Variants in LRRIQ1 observed in about 807,000 individuals in gnomAD.
LRRIQ1 encodes leucine-rich repeat- and IQ domain-containing protein 1.
LRRIQ1 carries 210 observed loss-of-function variants against 211.9 expected under a neutral mutation model. The ratio of observed to expected loss-of-function variants is 0.99; its 90% CI spans 0.89 to 1.11. The LOEUF is 1.11. Ranked by LOEUF, LRRIQ1 falls within the 50% of genes most tolerant of loss-of-function variation. LRRIQ1 has a pLI of 0.00. For missense variants in LRRIQ1, 2,136 were observed against 1,939.5 expected (o/e 1.10, Z -1.90); for synonymous variants, 699 against 650.1 (o/e 1.08, Z -1.14).
chr12:85,085,258 G>T (rs1307237340), intron 11 of LRRIQ1, among the ~76,000 whole-genome samples: 1 of 152,132 alleles, frequency 6.6e-6, no homozygotes, highest in Non-Finnish European at 1.5e-5. Context: ...TTCTGCAACA[G>T]TTCTTCAGGA....
At chr12:85,178,912 TAA>T (rs5799723) in intron 24 of LRRIQ1, among the ~76,000 whole-genome samples, 3 of 143,156 alleles carry the variant, frequency 2.1e-5, no homozygotes, top group South Asian at 2.2e-4. Context: ...TCTCTGTCTT[TAA>T]AAAAAAAAAA....
intron 24 of LRRIQ1, among the ~76,000 whole-genome samples, chr12:85,197,939 ATAT>A (rs1461737489): frequency 9.1e-6 from 1 of 109,516 alleles, no homozygotes; most frequent in Admixed American, 1.2e-4. Flanking sequence ...ATAATTATAT[ATAT>A]TTATATATAA....
chr12:85,162,523 A>G (rs1328746293), intron 24 of LRRIQ1, among the ~76,000 whole-genome samples: 2 of 152,178 alleles, frequency 1.3e-5, no homozygotes, highest in Admixed American at 6.5e-5. Flanking sequence ...ACTCATAAAG[A>G]GAATCTATCC....
chr12:85,144,868 T>C (rs1317933648), intron 19 of LRRIQ1, among the ~76,000 whole-genome samples: 10 of 151,718 alleles, frequency 6.6e-5, no homozygotes. Flanking sequence ...CCTTTTCCAT[T>C]GCCATCACTT....
At chr12:85,186,511 G>T (rs1892234560) in intron 24 of LRRIQ1, among the ~76,000 whole-genome samples, 1 of 152,040 alleles carries the variant, frequency 6.6e-6, no homozygotes, top group Non-Finnish European at 1.5e-5. Flanking sequence ...AGGAAGGTTG[G>T]TCTGCCTGCA....
At chr12:85,115,580 T>C (rs932925686) in intron 15 of LRRIQ1, among the ~76,000 whole-genome samples, 3 of 152,192 alleles carry the variant, frequency 2.0e-5, no homozygotes, top group Non-Finnish European at 2.9e-5. Flanking sequence ...TCAACCTCTC[T>C]TGATCCACAT....
chr12:85,152,509 C>G, intron 20 of LRRIQ1, 140 bp downstream of exon 20: 1 of 501,958 alleles, frequency 2.0e-6, no homozygotes, highest in Non-Finnish European at 3.4e-6. Flanking sequence ...CTCCTCATCC[C>G]CAGATGTAAT....
At chr12:85,268,736 G>A (rs1463575510), downstream of LRRIQ1, among the ~76,000 whole-genome samples, 1 of 151,902 alleles carries the variant, frequency 6.6e-6, no homozygotes, top group East Asian at 1.9e-4. Flanking sequence ...GAGACAAAGA[G>A]AAGGATATCC....
chr12:85,196,756 C>T (rs1414913736), intron 24 of LRRIQ1, among the ~76,000 whole-genome samples: 3 of 151,514 alleles, frequency 2.0e-5, no homozygotes, highest in African/African-American at 4.8e-5. Flanking sequence ...CCATTCAGGA[C>T]ATAGGCATGG....
chr12:85,142,448 A>T (rs1046457715), intron 19 of LRRIQ1, among the ~76,000 whole-genome samples: 1 of 151,646 alleles, frequency 6.6e-6, no homozygotes, highest in African/African-American at 2.4e-5. Context: ...CATATGCATT[A>T]GTTAACACAT....
chr12:85,075,239 G>A (rs1592745131), intron 11 of LRRIQ1, among the ~76,000 whole-genome samples: 1 of 152,036 alleles, frequency 6.6e-6, no homozygotes, highest in Non-Finnish European at 1.5e-5. Context: ...TTAAGGCCAG[G>A]AGTTCAAGAC....
rs142824666 is a variant in LRRIQ1 at position 85,061,973 on chromosome 12, A to G, written c.2392-3289A>G. On this transcript the variant is annotated intron_variant, in intron 8 of 26. Coordinates refer to ENST00000393217, the MANE Select transcript of LRRIQ1 (RefSeq NM_001079910.2). ...GGAGTGGTCTAATTCCTTTCTTTATATCACCATGAACACATGGTCCTTCAA... is the reference window on the plus strand; with the variant it reads ...GGAGTGGTCTAATTCCTTTCTTTATGTCACCATGAACACATGGTCCTTCAA... 5.9e-3 allele frequency among the ~76,000 whole-genome samples: 890 copies of G among 151,918 alleles called. 13 individuals carry two copies. The highest frequency in any genetic ancestry group is 0.02 in the African/African-American group (839 of 41,498).
chr12:85,120,335 G>T (rs1165793593), intron 15 of LRRIQ1, among the ~76,000 whole-genome samples: 2 of 152,154 alleles, frequency 1.3e-5, no homozygotes, highest in Admixed American at 1.3e-4. Context: ...CCAAAGATCA[G>T]TTCGCTATAT....
intron 26 of LRRIQ1, among the ~76,000 whole-genome samples, chr12:85,234,183 C>T (rs919529875): frequency 6.6e-6 from 1 of 152,042 alleles, no homozygotes; most frequent in Non-Finnish European, 1.5e-5. Flanking sequence ...ATTGCCGTGA[C>T]TTGAGATTGC....
chr12:85,253,608 GT>G (rs1034841849), intron 1 of LRRIQ1, among the ~76,000 whole-genome samples: 4 of 151,884 alleles, frequency 2.6e-5, no homozygotes, highest in Admixed American at 2.6e-4. Context: ...ACATTTTCAT[GT>G]TACCAAGTTT....
intron 3 of LRRIQ1, among the ~76,000 whole-genome samples, chr12:85,042,310 C>T (rs1426293334): frequency 1.3e-5 from 2 of 150,446 alleles, no homozygotes; most frequent in Non-Finnish European, 3.0e-5. Flanking sequence ...ATTTGACAAT[C>T]GTAATGAATA....
At chr12:85,175,811 G>T (rs1298948346) in intron 24 of LRRIQ1, among the ~76,000 whole-genome samples, 2 of 152,154 alleles carry the variant, frequency 1.3e-5, no homozygotes, top group Admixed American at 1.3e-4. Context: ...AGATCAGATA[G>T]TTGGAGATAT....
chr12:85,108,480 C>A (rs531110429), intron 15 of LRRIQ1, among the ~76,000 whole-genome samples: 16 of 152,144 alleles, frequency 1.1e-4, no homozygotes, highest in African/African-American at 3.6e-4. Flanking sequence ...TATGTCAGTT[C>A]CTATAGTTCT....
At chr12:85,243,225 T>G (rs915460363) in intron 26 of LRRIQ1, among the ~76,000 whole-genome samples, 2 of 149,600 alleles carry the variant, frequency 1.3e-5, no homozygotes, top group Admixed American at 6.7e-5. Context: ...GGTTTACCAT[T>G]GATGGAACTT....
Sources: gnomAD v4.1 joint callset for allele counts (sites outside exome capture counted in the v4.1 genomes callset) on GRCh38, gnomAD v4.1.1 for gene constraint, MANE v1.5 for transcripts, NCBI Gene and HGNC (gene_info 2026-07-23, HGNC 2026-07-21) for gene names.